The following SOX5 variants were observed in gnomAD, a reference collection of about 807,000 sequenced individuals.
SOX5 encodes the protein SRY-box transcription factor 5.
In SOX5, 9 loss-of-function variants were observed where a neutral mutation model predicts 92.0. The ratio of observed to expected loss-of-function variants is 0.10; its 90% CI spans 0.06 to 0.17. The LOEUF (loss-of-function observed/expected upper bound fraction) is 0.17, where lower values mean the gene tolerates loss of function less well. Among genes scored for constraint, SOX5 ranks in the 10% least tolerant of loss-of-function variants. The probability of loss-of-function intolerance (pLI) is 1.00; values close to 1 mark genes in which losing one functional copy is unlikely to be tolerated. For synonymous variants in SOX5, 344 were observed against 336.3 expected (o/e 1.02, Z -0.25); for missense variants, 642 against 944.5 (o/e 0.68, Z 4.20).
intron 2 of SOX5, among the ~76,000 whole-genome samples, chr12:24,330,197 T>A (rs926040348): frequency 6.6e-6 from 1 of 151,982 alleles, no homozygotes; most frequent in Non-Finnish European, 1.5e-5. Flanking sequence ...CATAAAAAAA[T>A]TTCTGCCAAG....
intron 3 of SOX5, among the ~76,000 whole-genome samples, chr12:23,831,212 TG>T (rs1268138239): frequency 6.6e-6 from 1 of 152,088 alleles, no homozygotes; most frequent in East Asian, 1.9e-4. Flanking sequence ...TCAATTAAAG[TG>T]AATTATTTTT....
At chr12:24,097,983 G>A (rs1945628690) in intron 4 of SOX5, among the ~76,000 whole-genome samples, 1 of 152,062 alleles carries the variant, frequency 6.6e-6, no homozygotes, top group South Asian at 2.1e-4. Context: ...ACTATTCTAT[G>A]TCACATCTAT....
intron 6 of SOX5, among the ~76,000 whole-genome samples, chr12:23,730,645 T>C (rs1302032184): frequency 6.6e-6 from 1 of 152,180 alleles, no homozygotes; most frequent in Non-Finnish European, 1.5e-5. Context: ...ATTATGCAGT[T>C]TTAGAGCTAA....
At chr12:24,137,632 A>AAAAAACAAAAAC (rs756423096) in intron 4 of SOX5, among the ~76,000 whole-genome samples, 3 of 152,140 alleles carry the variant, frequency 2.0e-5, no homozygotes, top group African/African-American at 7.2e-5. Flanking sequence ...CTCCGTCTCA[A>AAAAAACAAAAAC]AAAAACAAAA....
At chr12:24,243,491 A>T (rs1937911780) in intron 3 of SOX5, among the ~76,000 whole-genome samples, 1 of 152,180 alleles carries the variant, frequency 6.6e-6, no homozygotes, top group South Asian at 2.1e-4. Context: ...AAAGAGAAAA[A>T]GAATTAACAC....
In SOX5 at chr12:23,939,913, T is replaced by G. The variant is rs144647650; in HGVS notation, c.38+9651A>C. On this transcript the variant is annotated intron_variant, in intron 1 of 14. Coordinates refer to ENST00000451604, the MANE Select transcript of SOX5 (RefSeq NM_006940.6). ...TTATTTTGAGAAACACTCAAAATTT[T>G]TCTTTGGACTACATGTTTGTAATCT... Among the ~76,000 whole-genome samples the G allele has an allele frequency of 8.9e-4, 135 of 151,190 alleles. 1 individual carries two copies. The highest frequency in any genetic ancestry group is 3.4e-3 in the Middle Eastern group (1 of 294).
At chr12:24,438,438 A>T (rs1034857916) in intron 1 of SOX5, among the ~76,000 whole-genome samples, 30 of 152,286 alleles carry the variant, frequency 2.0e-4, no homozygotes, top group East Asian at 9.6e-4. Flanking sequence ...AGTTAAAAAA[A>T]ATATACATAT....
At chr12:24,280,749 T>C (rs1200026613) in intron 2 of SOX5, among the ~76,000 whole-genome samples, 1 of 151,980 alleles carries the variant, frequency 6.6e-6, no homozygotes, top group Non-Finnish European at 1.5e-5. Flanking sequence ...ATGAGAGGGT[T>C]TTATGTTTAC....
At chr12:24,387,470 C>CTA (rs1216858575) in intron 1 of SOX5, among the ~76,000 whole-genome samples, 1 of 152,094 alleles carries the variant, frequency 6.6e-6, no homozygotes. Context: ...ATTGGATACC[C>CTA]CTGCTGTAGA....
chr12:23,826,293 T>G lies in SOX5; in HGVS notation c.481+19690A>C, dbSNP rs117970916. 6.4e-3 allele frequency among the ~76,000 whole-genome samples: 980 copies of G among 152,018 alleles called. 4 individuals are homozygous for G. Among genetic ancestry groups the G allele is most frequent in the Non-Finnish European group, 0.011 (732 of 67,972 alleles). On this transcript the variant is annotated intron_variant, in intron 3 of 14. Coordinates refer to ENST00000451604, the MANE Select transcript of SOX5 (RefSeq NM_006940.6). ...TGTGGTGTTTGGGTTTTTTTGTCCTTGCGGTAGTTTGCTGAGAATGAGTGT... is the reference window on the plus strand; with the variant it reads ...TGTGGTGTTTGGGTTTTTTTGTCCTGGCGGTAGTTTGCTGAGAATGAGTGT...
At chr12:23,866,531 T>G (rs2096816367) in intron 2 of SOX5, among the ~76,000 whole-genome samples, 1 of 152,184 alleles carries the variant, frequency 6.6e-6, no homozygotes, top group African/African-American at 2.4e-5. Flanking sequence ...CTGTTAACAC[T>G]TCATTTCTTG....
At position 24,192,624 on chromosome 12, in the gene SOX5, A is replaced by T. The variant is rs547500968; in HGVS notation, c.-2+20719T>A. On this transcript the variant is annotated intron_variant, in intron 4 of 4. Transcript: ENST00000446891. Reference sequence around the variant, plus strand: ...TATTGCTTTTCAAAATCAAAGATACATCCTGCTGCCTTACAAATCCAAATT... The same window carrying T: ...TATTGCTTTTCAAAATCAAAGATACTTCCTGCTGCCTTACAAATCCAAATT... 3.9e-5 allele frequency among the ~76,000 whole-genome samples: 6 copies of T among 152,382 alleles called. No homozygotes were observed. The South Asian group carries it at 1.2e-3, about 32-fold the overall frequency.
At chr12:24,263,527 C>CAA (rs386375915) in intron 3 of SOX5, among the ~76,000 whole-genome samples, 39,023 of 63,016 alleles carry the variant, frequency 0.62, 14,786 homozygotes, top group East Asian at 0.87. Context: ...GACTCCGTCT[C>CAA]AAAAAAAAAA....
intron 8 of SOX5, among the ~76,000 whole-genome samples, chr12:23,637,630 C>A (rs2079438287): frequency 6.6e-6 from 1 of 152,120 alleles, no homozygotes; most frequent in South Asian, 2.1e-4. Flanking sequence ...TCTTAGTGGT[C>A]TTCCCTGCTT....
chr12:23,654,165 G>A (rs574484574), intron 7 of SOX5, among the ~76,000 whole-genome samples: 7 of 152,126 alleles, frequency 4.6e-5, no homozygotes, highest in South Asian at 2.1e-4. Context: ...ATAATGAAAC[G>A]GGACAGAGAG....
chr12:24,491,727 C>T (rs927388362), intron 1 of SOX5, among the ~76,000 whole-genome samples: 1 of 152,134 alleles, frequency 6.6e-6, no homozygotes, highest in African/African-American at 2.4e-5. Flanking sequence ...CTATCTACTG[C>T]ACTTAACCAG....
rs544837675 is a variant in SOX5, at chr12:24,393,295, G to A, written c.-250-24656C>T. 2.6e-5 allele frequency among the ~76,000 whole-genome samples: 4 copies of A among 152,268 alleles called. No homozygotes were observed. The highest frequency in any genetic ancestry group is 5.9e-5 in the Non-Finnish European group (4 of 68,036). The stretch of plus-strand genomic sequence containing the variant: ...TTAGCAAGCTCATCAATAACTGCAC[G>A]GCATTTACCTTCTGCAGCAACAGCT... On this transcript the variant is annotated intron_variant, in intron 1 of 4. Transcript: ENST00000446891. The surrounding 1 kb of genome is among the most constrained non-coding windows in gnomAD (Gnocchi z 5.0).
intron 4 of SOX5, among the ~76,000 whole-genome samples, chr12:24,176,974 TTTG>T (rs1352230099): frequency 8.1e-5 from 5 of 61,470 alleles, no homozygotes; most frequent in Admixed American, 4.3e-4. Context: ...AGTTTTGTTT[TTTG>T]TTTTTTTTTT....
chr12:24,106,723 C>T (rs1041904188), intron 4 of SOX5, among the ~76,000 whole-genome samples: 14 of 150,570 alleles, frequency 9.3e-5, no homozygotes, highest in East Asian at 5.8e-4. Context: ...GCCCAGGAGG[C>T]GGAGGTTGCA....
Sources: gnomAD v4.1 joint callset for allele counts (sites outside exome capture counted in the v4.1 genomes callset) on GRCh38, gnomAD v4.1.1 for gene constraint, Gnocchi (gnomAD v3.1) non-coding constraint, MANE v1.5 for transcripts, NCBI Gene and HGNC (gene_info 2026-07-23, HGNC 2026-07-21) for gene names.